LTBP1: variants seen among roughly 807,000 people sequenced by gnomAD.
The protein encoded by LTBP1 is latent transforming growth factor beta binding protein 1.
In LTBP1, 129 loss-of-function variants were observed where a neutral mutation model predicts 207.6. The observed-to-expected ratio is 0.62, with a 90% CI of 0.54 to 0.72. The LOEUF is 0.72. LTBP1 is among the 30% of genes least tolerant of loss of function. LTBP1 has a pLI of 0.00. For synonymous variants in LTBP1, 963 were observed against 833.7 expected, an observed-to-expected ratio of 1.16 and a Z score of -2.67; for missense variants, 2,281 against 2,217.2, an observed-to-expected ratio of 1.03 and a Z score of -0.58.
In LTBP1 at chr2:33,137,495, C is replaced by T. The variant is rs1014364679; in HGVS notation, c.1201+2535C>T. Among the ~76,000 whole-genome samples the T allele has an allele frequency of 6.6e-5, 10 of 152,266 alleles. No homozygotes were observed. In the South Asian group the frequency reaches 1.4e-3, roughly 22 times the overall value. ...TACAGCTACTCAACCCTGCCATCATCGTGTGAAAGCAGCCAGAGACAATAT... is the reference window on the plus strand; with the variant it reads ...TACAGCTACTCAACCCTGCCATCATTGTGTGAAAGCAGCCAGAGACAATAT... On this transcript the variant is annotated intron_variant, in intron 5 of 33. Coordinates refer to ENST00000404816, the MANE Select transcript of LTBP1 (RefSeq NM_206943.4).
chr2:33,172,908 G>C (rs1572971127), intron 5 of LTBP1, among the ~76,000 whole-genome samples: 1 of 151,960 alleles, frequency 6.6e-6, no homozygotes, highest in Middle Eastern at 3.4e-3. Context: ...ATGACTACTG[G>C]GTACATAACA....
At chr2:33,149,385 C>G (rs2083336272) in intron 5 of LTBP1, among the ~76,000 whole-genome samples, 1 of 152,082 alleles carries the variant, frequency 6.6e-6, no homozygotes, top group African/African-American at 2.4e-5. Context: ...CATCTTAGAC[C>G]CTGTTTCCTA....
chr2:33,332,547 A>G (rs146692678), intron 24 of LTBP1, among the ~76,000 whole-genome samples: 4 of 151,672 alleles, frequency 2.6e-5, no homozygotes, highest in African/African-American at 9.6e-5. Flanking sequence ...ATGAAATTAT[A>G]TACTTTATTT....
chr2:33,071,734 A>C (rs1235723225), intron 3 of LTBP1, among the ~76,000 whole-genome samples: 1 of 152,178 alleles, frequency 6.6e-6, no homozygotes, highest in African/African-American at 2.4e-5. Context: ...GCTTTGTGCC[A>C]TATCATCACA....
In LTBP1 at chr2:33,257,359, A is replaced by G. The variant is rs993058977; in HGVS notation, c.2243A>G (p.His748Arg). Residue 748 changes from histidine (H) to arginine (R), a missense_variant, in exon 12 of 34, where the codon CAC becomes CGC. His to Arg is a conservative substitution (Grantham distance 29). Coordinates refer to ENST00000404816, the MANE Select transcript of LTBP1 (RefSeq NM_206943.4). ...GTTCATAGACGCAGGCCAATCCATC[A>G]CCATGTAGGTAAAGGACCTGTATTT... Reference protein sequence around the residue: ...SGVHRRRPIHHHVGKGPVFVK... With the variant: ...SGVHRRRPIHRHVGKGPVFVK... 1.2e-6 allele frequency: 2 copies of G among 1,614,084 alleles called. No homozygotes were observed. Among genetic ancestry groups the G allele is most frequent in the African/African-American group, 1.3e-5 (1 of 74,936 alleles).
intron 31 of LTBP1, among the ~76,000 whole-genome samples, chr2:33,367,498 A>C (rs1445035906): frequency 6.6e-6 from 1 of 152,124 alleles, no homozygotes; most frequent in Non-Finnish European, 1.5e-5. Context: ...CCCTTACCCC[A>C]CTTCCAGACT....
chr2:33,053,042 T>G (rs1457181803), intron 3 of LTBP1, among the ~76,000 whole-genome samples: 1 of 152,138 alleles, frequency 6.6e-6, no homozygotes, highest in East Asian at 1.9e-4. Flanking sequence ...AGCTAATTTT[T>G]GCATTTTTAA....
intron 9 of LTBP1, among the ~76,000 whole-genome samples, chr2:33,235,872 G>T (rs1036935809): frequency 6.6e-6 from 1 of 152,106 alleles, no homozygotes; most frequent in African/African-American, 2.4e-5. Context: ...ATGGACACAG[G>T]GAGGGGAACA....
intron 24 of LTBP1, among the ~76,000 whole-genome samples, chr2:33,316,300 T>C (rs552416379): frequency 6.6e-6 from 1 of 152,314 alleles, no homozygotes; most frequent in African/African-American, 2.4e-5. Context: ...AAGAAGTAAA[T>C]TGCAAAAGTT....
At chr2:33,194,132 G>A (rs571063175) in intron 7 of LTBP1, among the ~76,000 whole-genome samples, 2 of 152,110 alleles carry the variant, frequency 1.3e-5, no homozygotes, top group Admixed American at 6.5e-5. Flanking sequence ...GACAACAGGC[G>A]CCCGCCACCA....
chr2:33,297,720 G>A (rs771630889), intron 20 of LTBP1, among the ~76,000 whole-genome samples: 3 of 151,956 alleles, frequency 2.0e-5, no homozygotes, highest in East Asian at 1.9e-4. Context: ...CATTACACCC[G>A]GCCCTGCCTT....
chr2:33,004,809 A>ATATATATATATATATATATG (rs1298591734), intron 2 of LTBP1, among the ~76,000 whole-genome samples: 5 of 145,498 alleles, frequency 3.4e-5, no homozygotes, highest in African/African-American at 1.2e-4. Context: ...ATATATATAT[A>ATATATATATATATATATATG]TATATAAACA....
chr2:33,229,008 G>A (rs2091632426), intron 9 of LTBP1, among the ~76,000 whole-genome samples: 1 of 151,880 alleles, frequency 6.6e-6, no homozygotes, highest in Non-Finnish European at 1.5e-5. Context: ...CCTAACCAGG[G>A]TTATACTCTC....
At chr2:33,013,180 T>G (rs918062899) in intron 2 of LTBP1, among the ~76,000 whole-genome samples, 1 of 152,200 alleles carries the variant, frequency 6.6e-6, no homozygotes, top group South Asian at 2.1e-4. Context: ...AACATATTGT[T>G]AAACTGCTTT....
At chr2:33,072,622 G>A (rs2077848034) in intron 3 of LTBP1, among the ~76,000 whole-genome samples, 1 of 152,174 alleles carries the variant, frequency 6.6e-6, no homozygotes, top group African/African-American at 2.4e-5. Flanking sequence ...TGAAAGGAAG[G>A]CAGAAGGTCA....
intron 7 of LTBP1, among the ~76,000 whole-genome samples, chr2:33,206,454 T>C (rs1445829604): frequency 2.6e-5 from 4 of 152,136 alleles, no homozygotes; most frequent in African/African-American, 7.2e-5. Context: ...GAAATAAGCA[T>C]TGGAGGCCAG....
intron 7 of LTBP1, among the ~76,000 whole-genome samples, chr2:33,189,640 T>A (rs1004841157): frequency 6.6e-6 from 1 of 152,250 alleles, no homozygotes; most frequent in Non-Finnish European, 1.5e-5. Context: ...CCTTTTGCAG[T>A]AGTTTTGTTC....
chr2:33,273,482 A>T (rs924333375), intron 15 of LTBP1, among the ~76,000 whole-genome samples, 174 bp from the exon 16 acceptor site: 4 of 152,230 alleles, frequency 2.6e-5, no homozygotes, highest in Non-Finnish European at 5.9e-5. Flanking sequence ...CTAATCCATT[A>T]TAAAGTAATC....
intron 24 of LTBP1, among the ~76,000 whole-genome samples, chr2:33,338,654 T>G (rs758877188): frequency 6.6e-6 from 1 of 152,116 alleles, no homozygotes; most frequent in Non-Finnish European, 1.5e-5. Context: ...AGGTGTCTCT[T>G]GGGCTGACTC....
Sources: gnomAD v4.1 joint callset for allele counts (sites outside exome capture counted in the v4.1 genomes callset) on GRCh38, gnomAD v4.1.1 for gene constraint, MANE v1.5 for transcripts, NCBI Gene and HGNC (gene_info 2026-07-23, HGNC 2026-07-21) for gene names.